Variants in L3HYPDH observed in about 807,000 individuals in gnomAD.
The protein encoded by L3HYPDH is trans-L-3-hydroxyproline dehydratase.
Under a neutral mutation model 26.5 loss-of-function variants are expected in L3HYPDH, and 32 were observed. The ratio of observed to expected loss-of-function variants is 1.21; its 90% CI spans 0.91 to 1.62. The LOEUF is 1.62. Ranked by LOEUF, L3HYPDH falls within the 40% of genes most tolerant of loss-of-function variation. L3HYPDH has a pLI of 0.00. For synonymous variants in L3HYPDH, 215 were observed against 196.6 expected, an observed-to-expected ratio of 1.09 and a Z score of -0.78; for missense variants, 554 against 476.4, an observed-to-expected ratio of 1.16 and a Z score of -1.52.
chr14:59,478,017 C>G (rs1042297452), intron 2 of L3HYPDH, among the ~76,000 whole-genome samples: 1 of 152,066 alleles, frequency 6.6e-6, no homozygotes, highest in Non-Finnish European at 1.5e-5. Flanking sequence ...TTAGCTTTCC[C>G]AAGTAAAAAC....
At chr14:59,487,671 T>C (rs375977717), upstream of L3HYPDH, 41 of 1,609,702 alleles carry the variant, frequency 2.5e-5, no homozygotes, top group South Asian at 5.5e-5. Flanking sequence ...TTATATATTA[T>C]AGGTATGCCC....
chr14:59,499,748 C>T, the L3HYPDH span, among the ~76,000 whole-genome samples: 1 of 152,052 alleles, frequency 6.6e-6, no homozygotes, highest in African/African-American at 2.4e-5. Flanking sequence ...GATGGTGGGG[C>T]TTGAGGGTAA....
chr14:59,469,639 C>T (rs12100730), downstream of L3HYPDH, among the ~76,000 whole-genome samples: 19,592 of 149,420 alleles, frequency 0.13, 1,558 homozygotes, highest in African/African-American at 0.24. Flanking sequence ...AAATCCACAG[C>T]TATCCACCTC....
At chr14:59,495,207 T>A in the L3HYPDH span, 1 of 1,609,424 alleles carries the variant, frequency 6.2e-7, no homozygotes, top group Non-Finnish European at 8.5e-7. Flanking sequence ...ACTGTACTCA[T>A]GAAGCCGTCT....
At chr14:59,499,992 A>G in the L3HYPDH span, among the ~76,000 whole-genome samples, 1 of 152,204 alleles carries the variant, frequency 6.6e-6, no homozygotes, top group Non-Finnish European at 1.5e-5. Context: ...CAGAAGAGTG[A>G]CATGATTACA....
chr14:59,504,405 T>C, the L3HYPDH span: 3 of 241,748 alleles, frequency 1.2e-5, no homozygotes, highest in African/African-American at 6.7e-5. Context: ...TAAGAAAAGC[T>C]TTAACACGTG....
the L3HYPDH span, among the ~76,000 whole-genome samples, chr14:59,500,390 GT>G: frequency 3.0e-4 from 46 of 152,082 alleles, no homozygotes; most frequent in Middle Eastern, 3.4e-3. Flanking sequence ...AAAATTCAAA[GT>G]TTTTTTCTCA....
At chr14:59,484,730 C>A, upstream of L3HYPDH, 3 of 1,160,036 alleles carry the variant, frequency 2.6e-6, no homozygotes, top group South Asian at 1.4e-5. Flanking sequence ...CGCCCGCCCT[C>A]GGGCCGGGCT....
intron 1 of L3HYPDH, among the ~76,000 whole-genome samples, chr14:59,482,707 C>T (rs1890115742): frequency 6.6e-6 from 1 of 152,192 alleles, no homozygotes; most frequent in Admixed American, 6.5e-5. Flanking sequence ...CCTAAGGTTG[C>T]TCTAAAAGTG....
upstream of L3HYPDH, chr14:59,484,855 C>T: frequency 6.3e-6 from 7 of 1,119,816 alleles, no homozygotes; most frequent in African/African-American, 1.6e-5. Context: ...TCTTCAGTCC[C>T]TTAGTTTAAT....
the L3HYPDH span, chr14:59,503,784 A>G: frequency 1.1e-6 from 1 of 902,066 alleles, no homozygotes. Flanking sequence ...ATTAAGTTAT[A>G]TTAAATTACC....
chr14:59,474,447 G>A, intron 4 of L3HYPDH: 2 of 685,120 alleles, frequency 2.9e-6, no homozygotes, highest in Non-Finnish European at 5.3e-6. Flanking sequence ...ACCTGGACTT[G>A]TCTGAGTCAT....
the L3HYPDH span, among the ~76,000 whole-genome samples, chr14:59,499,330 T>C: frequency 6.6e-6 from 1 of 152,166 alleles, no homozygotes; most frequent in African/African-American, 2.4e-5. Flanking sequence ...AATCTAAGTA[T>C]GTAATAAGAA....
chr14:59,477,839 AC>A (rs1440507465), intron 2 of L3HYPDH, among the ~76,000 whole-genome samples: 3 of 152,218 alleles, frequency 2.0e-5, no homozygotes, highest in Admixed American at 6.5e-5. Context: ...TACACAAGTT[AC>A]TTTTTACTAC....
the L3HYPDH span, chr14:59,495,097 C>A: frequency 1.2e-6 from 2 of 1,613,296 alleles, no homozygotes; most frequent in Non-Finnish European, 1.7e-6. Flanking sequence ...TGTGAGTGAT[C>A]CAGTTGGTGT....
chr14:59,487,753 T>A (rs1407131414), upstream of L3HYPDH: 1 of 1,613,176 alleles, frequency 6.2e-7, no homozygotes, highest in East Asian at 2.2e-5. Flanking sequence ...TATGATTGGC[T>A]CTATCTTGGA....
At chr14:59,488,795 C>T (rs1291930466), upstream of L3HYPDH, among the ~76,000 whole-genome samples, 1 of 152,222 alleles carries the variant, frequency 6.6e-6, no homozygotes, top group African/African-American at 2.4e-5. Context: ...ATACTCTCTT[C>T]ATCTGACTGC....
Position 59,484,350 on chromosome 14 carries a change from A to C in L3HYPDH, c.-34T>G. The C allele has an allele frequency of 7.1e-6, 11 of 1,550,502 alleles. No homozygotes were observed. The highest frequency in any genetic ancestry group is 2.4e-5 in the South Asian group (2 of 84,218). ...TCGGGGGAGACGAGTACGGTCCCGCAGCTATGGCTTCAAGCCCGACCCTCA... is the reference window on the plus strand; with the variant it reads ...TCGGGGGAGACGAGTACGGTCCCGCCGCTATGGCTTCAAGCCCGACCCTCA... On this transcript the variant is annotated 5_prime_UTR_variant, in exon 1 of 5. Coordinates refer to ENST00000247194, the MANE Select transcript of L3HYPDH (RefSeq NM_144581.2).
chr14:59,467,474 C>T (rs1413421622), intron 1 of L3HYPDH, among the ~76,000 whole-genome samples: 2 of 152,086 alleles, frequency 1.3e-5, no homozygotes, highest in Non-Finnish European at 2.9e-5. Context: ...AAGGACTGCA[C>T]TCTTCTGCTT....
Sources: gnomAD v4.1 joint callset for allele counts (sites outside exome capture counted in the v4.1 genomes callset) on GRCh38, gnomAD v4.1.1 for gene constraint, MANE v1.5 for transcripts, NCBI Gene and HGNC (gene_info 2026-07-23, HGNC 2026-07-21) for gene names.